Variants in AMZ2 observed in about 807,000 individuals in gnomAD.
AMZ2 encodes archaemetzincin-2.
A neutral mutation model predicts 36.7 loss-of-function variants in AMZ2; 26 were observed. The observed-to-expected ratio is 0.71, with a 90% CI of 0.52 to 0.98. The LOEUF (loss-of-function observed/expected upper bound fraction) is 0.98, where lower values mean the gene tolerates loss of function less well. Ranked by LOEUF, AMZ2 falls within the 50% of genes least tolerant of loss-of-function variation. The pLI is 0.00. For missense variants in AMZ2, 394 were observed against 430.5 expected (o/e 0.92, Z 0.75); for synonymous variants, 144 against 149.1 (o/e 0.97, Z 0.25).
At chr17:68,234,527 G>A (rs1306407450) in intron 1 of AMZ2, among the ~76,000 whole-genome samples, 8 of 152,082 alleles carry the variant, frequency 5.3e-5, no homozygotes, top group Admixed American at 6.6e-5. Flanking sequence ...TTGGGAGGCC[G>A]AGGTGGGAGG....
At position 68,250,895 on chromosome 17, in the gene AMZ2, C is replaced by T; in HGVS notation, c.385C>T (p.Pro129Ser). Residue 129 changes from proline to serine, a missense_variant, in exon 3 of 7, where the codon CCA (proline) becomes TCA (serine). Pro to Ser is a moderately conservative substitution (Grantham distance 74). Coordinates refer to ENST00000359904, the MANE Select transcript of AMZ2 (RefSeq NM_016627.5). ...FYGLRVKLLE[P>S]VPVSVTRCSF... Reference sequence around the variant, plus strand: ...TGGCTTGAGAGTAAAACTCCTAGAACCAGTTCCTGTTTCTGTAACAAGATG... The same window carrying T: ...TGGCTTGAGAGTAAAACTCCTAGAATCAGTTCCTGTTTCTGTAACAAGATG... 1 of 1,610,628 alleles carries T rather than the reference C, an allele frequency of 6.2e-7. No homozygotes were observed. Among genetic ancestry groups the T allele is most frequent in the South Asian group, 1.1e-5 (1 of 89,938 alleles).
upstream of AMZ2, among the ~76,000 whole-genome samples, chr17:68,243,011 T>G (rs2073933766): frequency 7.2e-6 from 1 of 138,632 alleles, no homozygotes; most frequent in Non-Finnish European, 1.5e-5. Flanking sequence ...ACTACTGTAC[T>G]CCAGCCTGGG....
At chr17:68,209,633 T>TATATATATATATATA (rs1555725395) in intron 1 of AMZ2, among the ~76,000 whole-genome samples, 15 of 78,804 alleles carry the variant, frequency 1.9e-4, no homozygotes, top group African/African-American at 6.4e-4. Context: ...TATATATATA[T>TATATATATATATATA]TTTTTTTTTT....
chr17:68,250,119 T>C (rs1599409051), intron 1 of AMZ2, 69 bp from the exon 2 acceptor site: 4 of 1,493,018 alleles, frequency 2.7e-6, no homozygotes, highest in South Asian at 2.6e-5. Context: ...AGCTGAAATA[T>C]AGAGGATAGG....
At chr17:68,222,230 G>A (rs1953288087) in intron 1 of AMZ2, among the ~76,000 whole-genome samples, 1 of 152,346 alleles carries the variant, frequency 6.6e-6, no homozygotes, top group African/African-American at 2.4e-5. Flanking sequence ...GGCCAGGTGG[G>A]CTCTGAGGGA....
At chr17:68,208,701 G>C (rs1332421998) in intron 1 of AMZ2, among the ~76,000 whole-genome samples, 1 of 152,142 alleles carries the variant, frequency 6.6e-6, no homozygotes, top group Non-Finnish European at 1.5e-5. Context: ...GGTCCACACT[G>C]CCTTTACGAG....
chr17:68,253,043 G>C, intron 4 of AMZ2, among the ~76,000 whole-genome samples: 1 of 152,178 alleles, frequency 6.6e-6, no homozygotes, highest in Middle Eastern at 3.4e-3. Context: ...TGTTTTCTCC[G>C]AGTTTACAAA....
intron 1 of AMZ2, among the ~76,000 whole-genome samples, chr17:68,233,881 C>T (rs1198500192): frequency 6.6e-6 from 1 of 152,026 alleles, no homozygotes; most frequent in African/African-American, 2.4e-5. Flanking sequence ...GCCACCACAC[C>T]TGCTTAAGCT....
Position 68,255,751 on chromosome 17 carries a change from C to T in AMZ2, c.802C>T (p.Leu268Phe). The stretch of plus-strand genomic sequence containing the variant: ...ATTTGGACTGCGACACTGCCAGTGG[C>T]TTGCATGCCTCATGCAAGGCTCCAA... The part of the protein sequence containing the change: ...HIFGLRHCQW[L>F]ACLMQGSNHL... The change falls in exon 6 of 7, where the codon CTT (leucine) becomes TTT (phenylalanine). Residue 268 changes from leucine to phenylalanine, a missense_variant. Coordinates refer to ENST00000359904, the MANE Select transcript of AMZ2 (RefSeq NM_016627.5). The T allele has an allele frequency of 6.2e-7, 1 of 1,614,208 alleles. No homozygotes were observed. Among genetic ancestry groups the T allele is most frequent in the South Asian group, 1.1e-5 (1 of 91,082 alleles).
In AMZ2 at chr17:68,256,811, C is replaced by T; in HGVS notation, c.928-3C>T. 6.2e-7 allele frequency: 1 copy of T among 1,607,242 alleles called. No homozygotes were observed. Among genetic ancestry groups the T allele is most frequent in the Non-Finnish European group, 8.5e-7 (1 of 1,177,072 alleles). The stretch of plus-strand genomic sequence containing the variant: ...GAAGTGCGCATCTTTCATGTTTTTC[C>T]AGGCACTGGTGAGGTGGATTGATGA... On this transcript the variant is annotated splice_polypyrimidine_tract_variant and splice_region_variant and intron_variant, in intron 6 of 6. Transcript: ENST00000359904.
chr17:68,239,145 A>G (rs1190194809), intron 1 of AMZ2, among the ~76,000 whole-genome samples: 2 of 152,162 alleles, frequency 1.3e-5, no homozygotes, highest in South Asian at 2.1e-4. Flanking sequence ...CAGGAGGGAG[A>G]AAACAGGTCA....
rs781987062 is a variant in AMZ2 at position 68,255,887 on chromosome 17, G to C, written c.927+11G>C. 6.2e-7 allele frequency: 1 copy of C among 1,613,614 alleles called. No individual in the cohort carries two copies. The highest frequency in any genetic ancestry group is 1.1e-5 in the South Asian group (1 of 91,054). The stretch of plus-strand genomic sequence containing the variant: ...GTAGAAAGATACAAAGTAAGTTGGG[G>C]GGTGGACAGTCTAAAGAGGGGGAAG... On this transcript the variant is annotated intron_variant, in intron 6 of 6. Transcript: ENST00000359904.
chr17:68,237,854 C>T (rs528499767), intron 1 of AMZ2, among the ~76,000 whole-genome samples: 32 of 152,274 alleles, frequency 2.1e-4, no homozygotes, highest in African/African-American at 6.3e-4. Context: ...AAGCTGCTTG[C>T]TTCTGGGCAG....
chr17:68,233,488 A>T (rs2144610657), intron 1 of AMZ2, among the ~76,000 whole-genome samples: 1 of 149,436 alleles, frequency 6.7e-6, no homozygotes, highest in African/African-American at 2.5e-5. Flanking sequence ...TAACCTGCCG[A>T]CAAGAGCGAA....
intron 1 of AMZ2, among the ~76,000 whole-genome samples, chr17:68,213,753 G>A (rs1238017104): frequency 6.6e-6 from 1 of 151,788 alleles, no homozygotes; most frequent in Non-Finnish European, 1.5e-5. Flanking sequence ...TTTATTGAAC[G>A]TTGGACTTCC....
Position 68,221,216 on chromosome 17 carries a change from CCCG to C in AMZ2, c.-67+14981_-67+14983del, listed in dbSNP as rs1568348109. Among the ~76,000 whole-genome samples the C allele has an allele frequency of 3.7e-4, 34 of 92,142 alleles. 2 individuals are homozygous for C. Among genetic ancestry groups the C allele is most frequent in the African/African-American group, 1.3e-3 (29 of 23,076 alleles). 60.4% of individuals were successfully genotyped at this position (92,142 alleles called of 152,430 possible). A position where few individuals can be genotyped will look rare whatever the true frequency, so the allele number is the denominator to read the frequency against. On this transcript the variant is annotated intron_variant, in intron 1 of 7. Coordinates refer to the AMZ2 transcript ENST00000674770. ...CCTGCCTCAGCCCTCAGCTCCCCCC[CCCG>C]CCCCCCCGGTAGCTAGGACCCCAAG...
At chr17:68,231,862 G>A (rs2073671655) in intron 1 of AMZ2, among the ~76,000 whole-genome samples, 1 of 152,028 alleles carries the variant, frequency 6.6e-6, no homozygotes, top group Non-Finnish European at 1.5e-5. Flanking sequence ...AATTTCAAAT[G>A]AACAACAAAT....
intron 1 of AMZ2, among the ~76,000 whole-genome samples, chr17:68,226,297 A>C (rs1376057881): frequency 6.6e-6 from 1 of 152,222 alleles, no homozygotes; most frequent in Non-Finnish European, 1.5e-5. Context: ...TTGTGCCTTA[A>C]GAGTTACGTG....
chr17:68,211,066 T>G (rs2073031606), intron 1 of AMZ2, among the ~76,000 whole-genome samples: 1 of 152,002 alleles, frequency 6.6e-6, no homozygotes, highest in African/African-American at 2.4e-5. Flanking sequence ...TTTAGTGAAA[T>G]CACGTATTGT....
Sources: gnomAD v4.1 joint callset for allele counts (sites outside exome capture counted in the v4.1 genomes callset) on GRCh38, gnomAD v4.1.1 for gene constraint, MANE v1.5 for transcripts, NCBI Gene and HGNC (gene_info 2026-07-23, HGNC 2026-07-21) for gene names.